STAB2: variants seen among roughly 807,000 people sequenced by gnomAD.
The protein encoded by STAB2 is stabilin 2, also known as stabilin-2.
Under a neutral mutation model 338.1 loss-of-function variants are expected in STAB2, and 288 were observed. The ratio of observed to expected loss-of-function variants is 0.85; its 90% CI spans 0.77 to 0.94. The LOEUF (loss-of-function observed/expected upper bound fraction) is 0.94. Ranked by LOEUF, STAB2 falls within the 40% of genes least tolerant of loss-of-function variation. STAB2 has a pLI of 0.00. For missense variants in STAB2, 3,141 were observed against 3,210.1 expected, an observed-to-expected ratio of 0.98 and a Z score of 0.52; for synonymous variants, 1,202 against 1,193.3, an observed-to-expected ratio of 1.01 and a Z score of -0.15.
chr12:103,665,782 T>C (rs1875034352), intron 18 of STAB2, among the ~76,000 whole-genome samples: 1 of 152,092 alleles, frequency 6.6e-6, no homozygotes, highest in African/African-American at 2.4e-5. Flanking sequence ...CTGGAGAAAT[T>C]GGAGGCACAC....
chr12:103,599,242 G>A (rs6539085), intron 3 of STAB2, among the ~76,000 whole-genome samples: 48,910 of 152,068 alleles, frequency 0.32, 10,034 homozygotes, highest in African/African-American at 0.58. Flanking sequence ...TGTGGGGCAG[G>A]AAGTGTATTA....
intron 37 of STAB2, among the ~76,000 whole-genome samples, chr12:103,706,573 C>G (rs1034605281): frequency 6.6e-6 from 1 of 152,054 alleles, no homozygotes; most frequent in Non-Finnish European, 1.5e-5. Context: ...TCCCTCTTTC[C>G]TACCTCCTTA....
chr12:103,682,303 CTTG>C (rs144386410), intron 25 of STAB2, among the ~76,000 whole-genome samples: 5,045 of 152,214 alleles, frequency 0.033, 269 homozygotes, highest in African/African-American at 0.11. Flanking sequence ...CCCATCAGCC[CTTG>C]TGCACAATTA....
At chr12:103,650,362 C>A in intron 10 of STAB2, 134 bp from the exon 11 acceptor site, 1 of 635,668 alleles carries the variant, frequency 1.6e-6, no homozygotes. Context: ...GACACAGGGC[C>A]TACACATGCC....
chr12:103,721,636 T>A (rs11111733), intron 44 of STAB2, among the ~76,000 whole-genome samples: 22,923 of 152,150 alleles, frequency 0.15, 2,397 homozygotes, highest in African/African-American at 0.3. Flanking sequence ...AGACTAATGA[T>A]GCTGACCAAG....
At chr12:103,720,825 A>C (rs1183324522) in intron 44 of STAB2, among the ~76,000 whole-genome samples, 1 of 152,204 alleles carries the variant, frequency 6.6e-6, no homozygotes, top group Non-Finnish European at 1.5e-5. Flanking sequence ...AGATCAAGGC[A>C]CTGGCTAGTT....
At chr12:103,674,121 T>C in intron 23 of STAB2, 34 bp downstream of exon 23, 1 of 1,587,922 alleles carries the variant, frequency 6.3e-7, no homozygotes, top group Non-Finnish European at 8.6e-7. Context: ...TTAATGACGC[T>C]GAGTCATTAA....
At chr12:103,702,070 G>A (rs1878929436) in intron 34 of STAB2, among the ~76,000 whole-genome samples, 1 of 147,368 alleles carries the variant, frequency 6.8e-6, no homozygotes, top group Non-Finnish European at 1.5e-5. Flanking sequence ...TTATATATGT[G>A]TTATATTAAT....
At chr12:103,745,549 C>T (rs555840568) in intron 57 of STAB2, among the ~76,000 whole-genome samples, 2 of 152,298 alleles carry the variant, frequency 1.3e-5, no homozygotes, top group South Asian at 2.1e-4. Flanking sequence ...ATCCCAGGTT[C>T]AAGCAAGGAC....
At position 103,631,704 on chromosome 12, in the gene STAB2, C is replaced by T. The variant is rs1957466130; in HGVS notation, c.583+11C>T. On this transcript the variant is annotated intron_variant, in intron 6 of 68. Coordinates refer to ENST00000388887, the MANE Select transcript of STAB2 (RefSeq NM_017564.10). ...CCAAGTGTGACAAGCGTAAGTACTG[C>T]TAGTTCCCTTAATGCCACACCAGAT... 6.2e-7 allele frequency: 1 copy of T among 1,612,748 alleles called. No individual in the cohort carries two copies. Among genetic ancestry groups the T allele is most frequent in the South Asian group, 1.1e-5 (1 of 91,052 alleles).
At chr12:103,631,747 A>G (rs1957466801) in intron 6 of STAB2, 54 bp downstream of exon 6, 2 of 1,552,336 alleles carry the variant, frequency 1.3e-6, no homozygotes, top group Non-Finnish European at 8.9e-7. Context: ...GCACAAATGT[A>G]TGCATTTCAA....
chr12:103,689,489 A>G (rs1877733259), intron 28 of STAB2, among the ~76,000 whole-genome samples: 2 of 124,120 alleles, frequency 1.6e-5, no homozygotes, highest in Admixed American at 8.0e-5. Flanking sequence ...TCTCAAAAAA[A>G]AAAAGAAAAA....
intron 7 of STAB2, 21 bp downstream of exon 7, chr12:103,637,257 G>T (rs375394854): frequency 6.2e-7 from 1 of 1,605,904 alleles, no homozygotes; most frequent in African/African-American, 1.3e-5. Context: ...TTTAGATTCT[G>T]CTAGTTTATT....
Position 103,652,541 on chromosome 12 carries a change from G to A in STAB2, c.1258-15G>A, listed in dbSNP as rs1470788849. Reference sequence around the variant, plus strand: ...TCTTCTTCAAATAATAGTAAAATTGGCTCTTCTCTCTTAGGTAAATGAGCT... The same window carrying A: ...TCTTCTTCAAATAATAGTAAAATTGACTCTTCTCTCTTAGGTAAATGAGCT... On this transcript the variant is annotated splice_polypyrimidine_tract_variant and intron_variant, in intron 11 of 68. Coordinates refer to ENST00000388887, the MANE Select transcript of STAB2 (RefSeq NM_017564.10). 4.6e-6 allele frequency: 7 copies of A among 1,534,756 alleles called. No individual in the cohort carries two copies. Among genetic ancestry groups the A allele is most frequent in the Non-Finnish European group, 5.3e-6 (6 of 1,142,108 alleles).
chr12:103,621,996 A>T (rs368172498), intron 4 of STAB2, 46 bp from the exon 5 acceptor site: 17 of 1,600,668 alleles, frequency 1.1e-5, no homozygotes, highest in Non-Finnish European at 1.2e-5. Context: ...CCTTGGTACC[A>T]TGGGTCACCT....
In STAB2 at chr12:103,613,489, G is replaced by A. The variant is rs147061168; in HGVS notation, c.332-6979G>A. On this transcript the variant is annotated intron_variant, in intron 3 of 68. Transcript: ENST00000388887. ...GTGGACGTAGGACCCTCCAAGCCAC[G>A]TGCGGGATATAATCTCCTGGTGTGC... 8.5e-3 allele frequency among the ~76,000 whole-genome samples: 1,301 copies of A among 152,308 alleles called. 89 individuals are homozygous for A. The highest frequency in any genetic ancestry group is 0.077 in the Admixed American group (1,176 of 15,292).
At chr12:103,655,635 T>A in intron 15 of STAB2, 54 bp downstream of exon 15, 6 of 1,601,878 alleles carry the variant, frequency 3.7e-6, no homozygotes, top group Non-Finnish European at 5.1e-6. Flanking sequence ...TGCCTCAGTC[T>A]GTGTCTAAAC....
chr12:103,737,631 T>A lies in STAB2; in HGVS notation c.5551-3T>A. On this transcript the variant is annotated splice_polypyrimidine_tract_variant and splice_region_variant and intron_variant, in intron 52 of 68. Transcript: ENST00000388887. ...CTTTTTTTTTTTTTTTTTTCTTTCT[T>A]AGGGTGACCTCTTTCTGAATGGCCA... The A allele has an allele frequency of 7.3e-7, 1 of 1,362,078 alleles. No individual in the cohort carries two copies. Among genetic ancestry groups the A allele is most frequent in the Non-Finnish European group, 1.0e-6 (1 of 972,046 alleles). 84.4% of individuals were successfully genotyped at this position (1,362,078 alleles called of 1,614,324 possible).
At chr12:103,762,167 A>C in intron 66 of STAB2, 107 bp from the exon 67 acceptor site, 1 of 1,460,914 alleles carries the variant, frequency 6.8e-7, no homozygotes, top group Non-Finnish European at 9.3e-7. Flanking sequence ...TTAACATGTC[A>C]GTATTTTTAT....
Sources: allele counts gnomAD v4.1 joint callset (sites outside exome capture counted in the v4.1 genomes callset), GRCh38; gene constraint gnomAD v4.1.1; transcripts MANE v1.5; gene names NCBI Gene and HGNC (gene_info 2026-07-23, HGNC 2026-07-21).